Variants in FARP1 observed in about 807,000 individuals in gnomAD.
FARP1 encodes FERM, ARH/RhoGEF and pleckstrin domain protein 1.
In FARP1, 52 loss-of-function variants were observed where a neutral mutation model predicts 128.8. That is an observed-to-expected ratio of 0.40 (90% CI 0.32 to 0.51). The LOEUF (loss-of-function observed/expected upper bound fraction) is 0.51. FARP1 is among the 20% of genes least tolerant of loss of function. The pLI is 0.45. For synonymous variants in FARP1, 580 were observed against 551.8 expected, an observed-to-expected ratio of 1.05 and a Z score of -0.72; for missense variants, 1,333 against 1,367.9, an observed-to-expected ratio of 0.97 and a Z score of 0.40.
intron 2 of FARP1, among the ~76,000 whole-genome samples, chr13:98,271,357 T>G (rs1343021005): frequency 6.6e-6 from 1 of 152,180 alleles, no homozygotes; most frequent in African/African-American, 2.4e-5. Context: ...GTGAGTCTTA[T>G]CTCCTCTTAC....
intron 17 of FARP1, among the ~76,000 whole-genome samples, chr13:98,429,349 C>T (rs1891924616): frequency 6.6e-6 from 1 of 152,140 alleles, no homozygotes; most frequent in Non-Finnish European, 1.5e-5. Context: ...GGGTGAGTCG[C>T]AAGCGTCAAT....
At chr13:98,262,284 G>A (rs1339194569) in intron 2 of FARP1, among the ~76,000 whole-genome samples, 1 of 151,454 alleles carries the variant, frequency 6.6e-6, no homozygotes, top group Non-Finnish European at 1.5e-5. Context: ...GCCTCTCAAA[G>A]TGCTGGGATT....
In FARP1 at chr13:98,448,253, G is replaced by C; in HGVS notation, c.3074G>C (p.Arg1025Pro). Residue 1025 changes from arginine (R) to proline (P), a missense_variant, in exon 27 of 27, where the codon CGC (arginine) becomes CCC (proline). Arg to Pro is a moderately radical substitution (Grantham distance 103). Coordinates refer to ENST00000319562, the MANE Select transcript of FARP1 (RefSeq NM_005766.4). ...YTFERWMEVI[R>P]SATSSASRPH... is the part of the protein sequence containing the mutation. ...TGTTGCAGGTGGATGGAAGTGATCC[G>C]CAGTGCCACCAGCTCTGCCTCGCGA... The C allele has an allele frequency of 1.2e-6, 2 of 1,613,930 alleles. No homozygotes were observed. The highest frequency in any genetic ancestry group is 1.7e-6 in the Non-Finnish European group (2 of 1,179,816).
chr13:98,160,880 T>C (rs1341390616), intron 1 of FARP1, among the ~76,000 whole-genome samples: 1 of 152,110 alleles, frequency 6.6e-6, no homozygotes, highest in African/African-American at 2.4e-5. Flanking sequence ...GGTTTTGCCA[T>C]GTTGGCCAGG....
At chr13:98,435,126 C>CT (rs1346671177) in intron 18 of FARP1, 1 of 155,660 alleles carries the variant, frequency 6.4e-6, no homozygotes, top group Non-Finnish European at 1.4e-5. Flanking sequence ...TATACTGACA[C>CT]TTCACAATAT....
chr13:98,453,312 G>T lies in FARP1; in HGVS notation c.*4995G>T. ...TCTTAGTTTTCATAAGAAATTCCAA[G>T]TCATACAAAAATAAGTGGAGCAAAT... On this transcript the variant is annotated 3_prime_UTR_variant, in exon 27 of 27. Coordinates refer to ENST00000319562, the MANE Select transcript of FARP1 (RefSeq NM_005766.4). 1 of 1,231,412 alleles carries T rather than the reference G, an allele frequency of 8.1e-7. No individual in the cohort carries two copies. Among genetic ancestry groups the T allele is most frequent in the Admixed American group, 2.1e-5 (1 of 46,542 alleles). The allele number at this position is 1,231,412 out of a possible 1,614,324, so 76.3% of individuals were successfully genotyped here. A position where few individuals can be genotyped will look rare whatever the true frequency, so the allele number is the denominator to read the frequency against.
chr13:98,208,692 T>G (rs1264867518), intron 1 of FARP1: 1 of 152,794 alleles, frequency 6.5e-6, no homozygotes, highest in African/African-American at 2.4e-5. Flanking sequence ...TAAATGGTGT[T>G]TCCTAGACAG....
At chr13:98,354,534 T>C (rs1463864623) in intron 3 of FARP1, among the ~76,000 whole-genome samples, 1 of 152,160 alleles carries the variant, frequency 6.6e-6, no homozygotes, top group Non-Finnish European at 1.5e-5. Context: ...GTTTACAAAA[T>C]GGAGAGGTAC....
chr13:98,435,771 C>T (rs780123724), intron 19 of FARP1, 65 bp downstream of exon 19: 32 of 1,549,066 alleles, frequency 2.1e-5, no homozygotes, highest in South Asian at 1.9e-4. Context: ...GAGGGACTTA[C>T]ATTTGAACCT....
At chr13:98,256,948 G>GGTATATATGTAT (rs59128917) in intron 2 of FARP1, among the ~76,000 whole-genome samples, 2 of 77,076 alleles carry the variant, frequency 2.6e-5, no homozygotes, top group Non-Finnish European at 5.4e-5. Flanking sequence ...TATATATGTG[G>GGTATATATGTAT]ATATATATAT....
chr13:98,154,372 G>A (rs1332653308), intron 1 of FARP1, among the ~76,000 whole-genome samples: 2 of 152,010 alleles, frequency 1.3e-5, no homozygotes, highest in East Asian at 1.9e-4. Context: ...ATCTCATCAT[G>A]GTTATATATT....
At chr13:98,260,984 T>A (rs1883851077) in intron 2 of FARP1, among the ~76,000 whole-genome samples, 1 of 152,146 alleles carries the variant, frequency 6.6e-6, no homozygotes, top group African/African-American at 2.4e-5. Context: ...CCTGGACTTG[T>A]GTTCACATTT....
At chr13:98,287,204 A>AGGCCTTTTTTTTTTTTTTTTTTTTTTTT (rs1327624660) in intron 2 of FARP1, among the ~76,000 whole-genome samples, 1 of 114,820 alleles carries the variant, frequency 8.7e-6, no homozygotes, top group Non-Finnish European at 1.8e-5. Context: ...ACCATCAGAC[A>AGGCCTTTTTTTTTTTTTTTTTTTTTTTT]TGTCTTTTTT....
chr13:98,290,669 C>T (rs1885406729), intron 2 of FARP1, among the ~76,000 whole-genome samples: 1 of 152,078 alleles, frequency 6.6e-6, no homozygotes, highest in Non-Finnish European at 1.5e-5. Flanking sequence ...CAGTAGTGGC[C>T]AGGAGACCAA....
chr13:98,305,203 A>G (rs11618002), intron 2 of FARP1, among the ~76,000 whole-genome samples: 5,208 of 151,656 alleles, frequency 0.034, 303 homozygotes, highest in African/African-American at 0.12. Context: ...ACTAACAACA[A>G]CTTGTATTTG....
intron 24 of FARP1, among the ~76,000 whole-genome samples, chr13:98,444,240 G>A (rs983133953): frequency 2.6e-5 from 4 of 152,152 alleles, no homozygotes; most frequent in African/African-American, 4.8e-5. Flanking sequence ...GCTCGTCCTA[G>A]TGACCTTACC....
chr13:98,166,499 T>G (rs1041808867), intron 1 of FARP1, among the ~76,000 whole-genome samples: 2 of 152,168 alleles, frequency 1.3e-5, no homozygotes, highest in Admixed American at 1.3e-4. Context: ...GAGGTATTAT[T>G]ATTATCACAG....
At position 98,253,697 on chromosome 13, in the gene FARP1, C is replaced by T. The variant is rs142478564; in HGVS notation, c.171+40284C>T. On this transcript the variant is annotated intron_variant, in intron 2 of 26. Coordinates refer to ENST00000319562, the MANE Select transcript of FARP1 (RefSeq NM_005766.4). ...CGCACCGCTAAGTCATCGTTGAGCTCGGTTTCCAGCCCAGATGTTTCCAGC... is the reference window on the plus strand; with the variant it reads ...CGCACCGCTAAGTCATCGTTGAGCTTGGTTTCCAGCCCAGATGTTTCCAGC... 3.4e-3 allele frequency among the ~76,000 whole-genome samples: 514 copies of T among 152,316 alleles called. 5 individuals are homozygous for T. The highest frequency in any genetic ancestry group is 0.012 in the African/African-American group (496 of 41,560).
chr13:98,264,289 A>G (rs1285289581), intron 2 of FARP1, among the ~76,000 whole-genome samples: 2 of 152,196 alleles, frequency 1.3e-5, no homozygotes, highest in Non-Finnish European at 2.9e-5. Flanking sequence ...CTGTGGTTCA[A>G]AAATGTTAAA....
Sources: allele counts gnomAD v4.1 joint callset (sites outside exome capture counted in the v4.1 genomes callset), GRCh38; gene constraint gnomAD v4.1.1; transcripts MANE v1.5; gene names NCBI Gene and HGNC (gene_info 2026-07-23, HGNC 2026-07-21).